The following TUB variants were observed in gnomAD, a reference collection of about 807,000 sequenced individuals.
TUB encodes TUB bipartite transcription factor, also known as tubby protein homolog.
A neutral mutation model predicts 59.7 loss-of-function variants in TUB; 33 were observed. That is an observed-to-expected ratio of 0.55 (90% CI 0.42 to 0.74). The LOEUF is 0.74. TUB is among the 30% of genes least tolerant of loss of function. The pLI is 0.00. For missense variants in TUB, 659 were observed against 672.0 expected (o/e 0.98, Z 0.21); for synonymous variants, 293 against 256.4 (o/e 1.14, Z -1.36).
intron 2 of TUB, among the ~76,000 whole-genome samples, chr11:8,065,654 A>C (rs1210329604): frequency 6.6e-6 from 1 of 152,042 alleles, no homozygotes; most frequent in Non-Finnish European, 1.5e-5. Context: ...ATAGGCCTCC[A>C]CTCTAGACGA....
In TUB at chr11:8,100,947, G is replaced by T; in HGVS notation, c.1337G>T (p.Arg446Leu). The T allele has an allele frequency of 6.2e-7, 1 of 1,614,164 alleles. No individual in the cohort carries two copies. The highest frequency in any genetic ancestry group is 1.1e-5 in the South Asian group (1 of 91,080). ...TQSYVLNFHG[R>L]VTQASVKNFQ... ...TCCTATGTACTCAACTTCCATGGGC[G>T]CGTCACACAGGCCTCCGTGAAGAAC... The change falls in exon 11 of 12, where the codon CGC becomes CTC. Residue 446 changes from arginine to leucine, a missense_variant. Transcript: ENST00000299506.
chr11:8,048,429 T>C (rs1942873826), intron 2 of TUB, among the ~76,000 whole-genome samples: 2 of 152,120 alleles, frequency 1.3e-5, no homozygotes, highest in Non-Finnish European at 1.5e-5. Context: ...TGAGATGAGG[T>C]CTTGTTCTGT....
At position 8,096,734 on chromosome 11, in the gene TUB, G is replaced by A. The variant is rs1473965045; in HGVS notation, c.615G>A (p.Glu205=). The change falls in exon 6 of 12, where the codon GAG becomes GAA. Residue 205 remains glutamate (E), a synonymous_variant. Transcript: ENST00000299506. The stretch of plus-strand genomic sequence containing the variant: ...ACGAGGATGAGGAGGATGAGGAGGA[G>A]AATAGCTCCAGCTCCTCCCAGCTAA... ...SFDEDEEDEE[E]NSSSSSQLNS... 1.2e-6 allele frequency: 2 copies of A among 1,614,082 alleles called. No homozygotes were observed. The highest frequency in any genetic ancestry group is 1.7e-6 in the Non-Finnish European group (2 of 1,179,974).
At chr11:8,039,094 C>A in intron 1 of TUB, 1 of 1,566,640 alleles carries the variant, frequency 6.4e-7, no homozygotes, top group Non-Finnish European at 8.6e-7. Context: ...ACCCACCCAC[C>A]CTCACTGACC....
chr11:8,032,785 G>A (rs1942594632), intron 1 of TUB, among the ~76,000 whole-genome samples: 1 of 152,192 alleles, frequency 6.6e-6, no homozygotes. Context: ...TGGCAAGAGA[G>A]GAAATGACTG....
upstream of TUB, among the ~76,000 whole-genome samples, chr11:8,080,280 C>T (rs891062057): frequency 1.3e-5 from 2 of 152,248 alleles, no homozygotes; most frequent in African/African-American, 2.4e-5. Context: ...AGACCTCTCC[C>T]GGATCACCTG....
intron 5 of TUB, 36 bp downstream of exon 5, chr11:8,095,701 C>T (rs1202305577): frequency 6.4e-7 from 1 of 1,555,052 alleles, no homozygotes; most frequent in East Asian, 2.4e-5. Flanking sequence ...ACCCCCAAAA[C>T]TCAGTCCCAG....
chr11:8,050,253 G>T (rs1031578899), intron 2 of TUB, among the ~76,000 whole-genome samples: 1 of 152,226 alleles, frequency 6.6e-6, no homozygotes, highest in Non-Finnish European at 1.5e-5. Context: ...CATTTGGAAA[G>T]TTTAAAGTAT....
chr11:8,067,200 A>C (rs917922393), intron 2 of TUB, among the ~76,000 whole-genome samples: 1 of 152,176 alleles, frequency 6.6e-6, no homozygotes, highest in African/African-American at 2.4e-5. Context: ...AGCAAGATTT[A>C]AAAATACTGC....
At chr11:8,073,682 G>A (rs1405881079) in intron 2 of TUB, among the ~76,000 whole-genome samples, 3 of 152,198 alleles carry the variant, frequency 2.0e-5, no homozygotes, top group Admixed American at 6.5e-5. Context: ...CCTGGAGGCT[G>A]AGCACAGGGG....
rs771397335 is a variant in TUB at position 8,100,993 on chromosome 11, T to C, written c.1383T>C (p.Asn461=). Residue 461 remains asparagine, a synonymous_variant, in exon 11 of 12, where the codon AAT becomes AAC. Transcript: ENST00000299506. ...AGAACTTCCAGATCATCCATGGCAA[T>C]GACCGTGAGTGTTTCTGTCCCTACT... ...SVKNFQIIHG[N]DPDYIVMQFG... is the part of the protein sequence containing the mutation. 3 of 1,614,060 alleles carry C rather than the reference T, an allele frequency of 1.9e-6. No individual in the cohort carries two copies. Among genetic ancestry groups the C allele is most frequent in the East Asian group, 2.2e-5 (1 of 44,892 alleles).
intron 8 of TUB, 41 bp downstream of exon 8, chr11:8,097,867 A>T: frequency 8.2e-5 from 112 of 1,361,752 alleles, no homozygotes; most frequent in Non-Finnish European, 1.1e-4. Flanking sequence ...AGTGGGAGGG[A>T]GGGGCAGGGG....
chr11:8,042,697 T>C (rs760986837), intron 2 of TUB, among the ~76,000 whole-genome samples: 1 of 152,232 alleles, frequency 6.6e-6, no homozygotes, highest in Admixed American at 6.5e-5. Context: ...CCCTGATCAC[T>C]AATGATGACT....
chr11:8,063,914 T>C lies in TUB; in HGVS notation c.203+24222T>C, dbSNP rs116379918. On this transcript the variant is annotated intron_variant, in intron 2 of 12. Coordinates refer to the TUB transcript ENST00000305253. ...CTTTCTTTTTTCTCATTTTGCGATT[T>C]TGGTCAGGAGTGGTGTGGCGAGTTG... is the stretch of plus-strand genomic sequence containing the variant. Among the ~76,000 whole-genome samples the C allele has an allele frequency of 8.7e-3, 1,328 of 152,316 alleles. 22 individuals are homozygous for C. The highest frequency in any genetic ancestry group is 0.03 in the African/African-American group (1,267 of 41,552).
At chr11:8,051,954 GA>G (rs1206139748) in intron 2 of TUB, among the ~76,000 whole-genome samples, 2 of 152,148 alleles carry the variant, frequency 1.3e-5, no homozygotes, top group Admixed American at 1.3e-4. Context: ...TCAGTATTTT[GA>G]AAGGCCATCT....
chr11:8,084,562 C>T (rs1001944738), intron 1 of TUB, among the ~76,000 whole-genome samples: 2 of 152,186 alleles, frequency 1.3e-5, no homozygotes, highest in Non-Finnish European at 2.9e-5. Context: ...TGGGGTGGCC[C>T]CGTCCTCAGT....
intron 1 of TUB, among the ~76,000 whole-genome samples, chr11:8,083,778 G>T (rs892197244): frequency 6.6e-6 from 1 of 152,128 alleles, no homozygotes; most frequent in Non-Finnish European, 1.5e-5. Context: ...TGTAGAGAGG[G>T]GGGTGTGTAG....
chr11:8,076,215 C>T (rs916195090), upstream of TUB: 1 of 152,204 alleles, frequency 6.6e-6, no homozygotes, highest in Non-Finnish European at 1.5e-5. Context: ...GGAGCACAGG[C>T]TGGTCCTGAA....
intron 2 of TUB, chr11:8,068,595 G>C (rs567806584): frequency 3.3e-5 from 5 of 152,462 alleles, no homozygotes; most frequent in Middle Eastern, 3.4e-3. Flanking sequence ...CCTAACTCCC[G>C]TGGCTTCCTC....
Sources: allele counts gnomAD v4.1 joint callset (sites outside exome capture counted in the v4.1 genomes callset), GRCh38; gene constraint gnomAD v4.1.1; transcripts MANE v1.5; gene names NCBI Gene and HGNC (gene_info 2026-07-23, HGNC 2026-07-21).